The following PPP1R1C variants were observed in gnomAD, a reference collection of about 807,000 sequenced individuals.
PPP1R1C encodes protein phosphatase 1 regulatory inhibitor subunit 1C.
A neutral mutation model predicts 17.4 loss-of-function variants in PPP1R1C; 15 were observed. The observed-to-expected ratio is 0.86, with a 90% confidence interval of 0.58 to 1.33. The LOEUF (loss-of-function observed/expected upper bound fraction) is 1.33. Among genes scored for constraint, PPP1R1C ranks in the 40% most tolerant of loss-of-function variants. The pLI is 0.00. For synonymous variants in PPP1R1C, 35 were observed against 43.1 expected (o/e 0.81, Z 0.73); for missense variants, 143 against 130.0 (o/e 1.10, Z -0.48).
intron 2 of PPP1R1C, among the ~76,000 whole-genome samples, chr2:182,052,002 C>CAA (rs113640993): frequency 7.9e-6 from 1 of 126,240 alleles, no homozygotes; most frequent in Admixed American, 7.7e-5. Context: ...GACTCTGTCT[C>CAA]AAAAAAAAAA....
chr2:182,120,195 T>A (rs922846293), downstream of PPP1R1C, among the ~76,000 whole-genome samples: 1 of 152,238 alleles, frequency 6.6e-6, no homozygotes, highest in African/African-American at 2.4e-5. Context: ...TTTGCCAGGT[T>A]TGTCAAAGAT....
intron 4 of PPP1R1C, among the ~76,000 whole-genome samples, chr2:182,084,059 T>C (rs932510313): frequency 3.9e-5 from 6 of 152,178 alleles, no homozygotes; most frequent in African/African-American, 1.4e-4. Context: ...TTTATGTATA[T>C]CTTCTATTGA....
chr2:181,979,321 A>G lies in PPP1R1C; in HGVS notation n.157+4057A>G, dbSNP rs140107804. Among the ~76,000 whole-genome samples the G allele has an allele frequency of 7.4e-4, 112 of 152,216 alleles. 1 individual carries two copies. In the East Asian group the frequency reaches 0.019, roughly 26 times the overall value. The stretch of plus-strand genomic sequence containing the variant: ...CTCTCTCTTCCGTTATTATCATCCA[A>G]TTTCATTAAATAACTATATTCTATG... On this transcript the variant is annotated intron_variant and non_coding_transcript_variant, in intron 2 of 5. Coordinates refer to the PPP1R1C transcript ENST00000464264.
At chr2:182,070,574 C>T (rs1401608285) in intron 4 of PPP1R1C, among the ~76,000 whole-genome samples, 2 of 152,122 alleles carry the variant, frequency 1.3e-5, no homozygotes, top group Non-Finnish European at 2.9e-5. Context: ...TAGAAAAATT[C>T]TGAAGATAGT....
intron 2 of PPP1R1C, among the ~76,000 whole-genome samples, chr2:182,038,602 A>G (rs1224568306): frequency 6.6e-6 from 1 of 152,208 alleles, no homozygotes; most frequent in Non-Finnish European, 1.5e-5. Context: ...GATTAGCTCT[A>G]TCAGGGAAGA....
At chr2:182,122,351 C>T (rs759293647), downstream of PPP1R1C, among the ~76,000 whole-genome samples, 1 of 151,926 alleles carries the variant, frequency 6.6e-6, no homozygotes, top group Non-Finnish European at 1.5e-5. Flanking sequence ...TTTATAGTTA[C>T]AAATATGATT....
At chr2:182,124,433 G>T (rs1335096705) in intron 5 of PPP1R1C, among the ~76,000 whole-genome samples, 1 of 142,894 alleles carries the variant, frequency 7.0e-6, no homozygotes, top group African/African-American at 2.6e-5. Flanking sequence ...ATTCTATGAA[G>T]AAAGTCAATG....
At chr2:181,982,657 T>TA (rs958932733), upstream of PPP1R1C, among the ~76,000 whole-genome samples, 1 of 152,010 alleles carries the variant, frequency 6.6e-6, no homozygotes, top group East Asian at 1.9e-4. Flanking sequence ...TAATTTGGGT[T>TA]AAAAAAGGGA....
intron 4 of PPP1R1C, among the ~76,000 whole-genome samples, chr2:182,100,447 T>C (rs1474276610): frequency 6.6e-6 from 1 of 150,586 alleles, no homozygotes; most frequent in Non-Finnish European, 1.5e-5. Flanking sequence ...GAGGTGGAGG[T>C]TGCAGTGAGC....
chr2:182,073,789 T>A (rs1688208454), intron 4 of PPP1R1C, among the ~76,000 whole-genome samples: 1 of 152,102 alleles, frequency 6.6e-6, no homozygotes, highest in African/African-American at 2.4e-5. Flanking sequence ...AGGCACAGAA[T>A]GTGAATGGGC....
intron 4 of PPP1R1C, among the ~76,000 whole-genome samples, chr2:182,115,326 A>G (rs1218868219): frequency 6.6e-6 from 1 of 152,182 alleles, no homozygotes; most frequent in African/African-American, 2.4e-5. Context: ...AGTGTCTCTT[A>G]ATAATGGAAC....
rs1165789924 is a variant in PPP1R1C at position 182,076,197 on chromosome 2, C to CTTTTTTTTTTTTTTTTTTTTTTT, written c.241+12425_241+12447dup. On this transcript the variant is annotated intron_variant, in intron 4 of 4. Transcript: ENST00000682840. ...GATTTTGAACTTTTTTTTTTCTTTT[C>CTTTTTTTTTTTTTTTTTTTTTTT]TTTTTTTTTTTTTTTTTTTTTTTTT... Among the ~76,000 whole-genome samples the CTTTTTTTTTTTTTTTTTTTTTTT allele has an allele frequency of 1.3e-3, 34 of 25,860 alleles. 11 individuals are homozygous for CTTTTTTTTTTTTTTTTTTTTTTT. Among genetic ancestry groups the CTTTTTTTTTTTTTTTTTTTTTTT allele is most frequent in the Non-Finnish European group, 1.7e-3 (29 of 16,606 alleles). 17.0% of individuals were successfully genotyped at this position (25,860 alleles called of 152,430 possible).
intron 4 of PPP1R1C, among the ~76,000 whole-genome samples, chr2:182,104,039 AT>A (rs1689178262): frequency 6.6e-6 from 1 of 152,216 alleles, no homozygotes; most frequent in Non-Finnish European, 1.5e-5. Flanking sequence ...ATCAGAAAGC[AT>A]TGTCAGGGAA....
At position 181,986,078 on chromosome 2, in the gene PPP1R1C, T is replaced by A; in HGVS notation, c.-33T>A. On this transcript the variant is annotated 5_prime_UTR_variant, in exon 1 of 5. Coordinates refer to ENST00000682840, the MANE Select transcript of PPP1R1C (RefSeq NM_001080545.3). The stretch of plus-strand genomic sequence containing the variant: ...CCACTTAGGGTTAGTCTTTCTGAGC[T>A]CTTCACATCTCTGACTAATTATCAT... The A allele has an allele frequency of 6.4e-7, 1 of 1,560,758 alleles. No individual in the cohort carries two copies. The highest frequency in any genetic ancestry group is 8.8e-7 in the Non-Finnish European group (1 of 1,131,390).
At chr2:182,047,172 G>A (rs1437771352) in intron 2 of PPP1R1C, among the ~76,000 whole-genome samples, 2 of 152,066 alleles carry the variant, frequency 1.3e-5, no homozygotes, top group Non-Finnish European at 2.9e-5. Context: ...TACTTGTAAG[G>A]AAATTGGTCA....
rs2125234445 is a variant in PPP1R1C at position 182,111,303 on chromosome 2, C to T, written c.242-5904C>T. On this transcript the variant is annotated intron_variant, in intron 4 of 4. Transcript: ENST00000682840. ...TTTCCATGGATGATGAAGAGAAAAT[C>T]ATATTGCACGTTTATTCTTCTGCAA... Among the ~76,000 whole-genome samples, 2 of 152,122 alleles carry T rather than the reference C, an allele frequency of 1.3e-5. 1 individual carries two copies. The highest frequency in any genetic ancestry group is 4.2e-4 in the South Asian group (2 of 4,806).
intron 2 of PPP1R1C, among the ~76,000 whole-genome samples, chr2:181,997,535 T>C (rs1230140070): frequency 1.3e-5 from 2 of 152,214 alleles, no homozygotes; most frequent in Admixed American, 6.5e-5. Context: ...ATTGTATTAT[T>C]TTAAAATCCA....
chr2:182,014,994 C>G (rs1053826282), intron 2 of PPP1R1C, among the ~76,000 whole-genome samples: 1 of 152,050 alleles, frequency 6.6e-6, no homozygotes. Flanking sequence ...TGTCCAGAAG[C>G]CATAGCTAGA....
chr2:182,033,858 G>A (rs1044842325), intron 2 of PPP1R1C, among the ~76,000 whole-genome samples: 3 of 152,210 alleles, frequency 2.0e-5, no homozygotes, highest in African/African-American at 7.2e-5. Context: ...ACGCTAAATC[G>A]CTTTGAACTG....
Sources: gnomAD v4.1 joint callset for allele counts (sites outside exome capture counted in the v4.1 genomes callset) on GRCh38, gnomAD v4.1.1 for gene constraint, MANE v1.5 for transcripts, NCBI Gene and HGNC (gene_info 2026-07-23, HGNC 2026-07-21) for gene names.